TCTN3: variants seen among roughly 807,000 people sequenced by gnomAD.
The protein encoded by TCTN3 is tectonic family member 3, also known as tectonic-3.
In TCTN3, 57 loss-of-function variants were observed where a neutral mutation model predicts 71.3. The observed-to-expected ratio is 0.80, with a 90% CI of 0.65 to 1.00. TCTN3 has a LOEUF of 1.00. Among genes scored for constraint, TCTN3 ranks in the 50% least tolerant of loss-of-function variants. The pLI is 0.00. For missense variants in TCTN3, 696 were observed against 719.9 expected (o/e 0.97, Z 0.38); for synonymous variants, 258 against 267.8 (o/e 0.96, Z 0.36).
Position 95,685,557 on chromosome 10 carries a change from T to C in TCTN3, c.968A>G (p.Gln323Arg). 2.6e-6 allele frequency: 4 copies of C among 1,550,420 alleles called. No homozygotes were observed. The highest frequency in any genetic ancestry group is 3.5e-6 in the Non-Finnish European group (4 of 1,145,960). The change falls in exon 8 of 14, where the codon CAG becomes CGG. Residue 323 changes from glutamine (Q) to arginine (R), a missense_variant and splice_region_variant. Transcript: ENST00000371217. The part of the protein sequence containing the change: ...AGNTCQNVVS[Q>R]VTYEIETNGT... The stretch of plus-strand genomic sequence containing the variant: ...AGAATCTGAGGTCAGTATCCCTACC[T>C]GAGAAACTACATTCTGACAAGTGTT...
intron 3 of TCTN3, among the ~76,000 whole-genome samples, chr10:95,690,397 A>C (rs1371990071): frequency 2.0e-5 from 3 of 152,174 alleles, no homozygotes; most frequent in Non-Finnish European, 4.4e-5. Flanking sequence ...CAATATAATA[A>C]ATCCTATAGG....
intron 9 of TCTN3, among the ~76,000 whole-genome samples, chr10:95,684,167 A>G (rs1292587050): frequency 6.6e-6 from 1 of 152,216 alleles, no homozygotes; most frequent in African/African-American, 2.4e-5. Flanking sequence ...GACTGCCCAG[A>G]AATATGAGAA....
intron 3 of TCTN3, 65 bp from the exon 4 acceptor site, chr10:95,687,784 A>G: frequency 6.4e-7 from 1 of 1,555,652 alleles, no homozygotes; most frequent in Non-Finnish European, 8.7e-7. Context: ...AACTAATTTT[A>G]AAAAATATTT....
chr10:95,684,980 GAATT>G (rs1199666616), intron 8 of TCTN3, among the ~76,000 whole-genome samples: 3 of 152,174 alleles, frequency 2.0e-5, no homozygotes, highest in Non-Finnish European at 4.4e-5. Context: ...CAATGTTTGA[GAATT>G]AATAAAGATC....
intron 13 of TCTN3, among the ~76,000 whole-genome samples, chr10:95,679,319 T>G (rs1290702899): frequency 6.6e-6 from 1 of 152,166 alleles, no homozygotes; most frequent in Non-Finnish European, 1.5e-5. Flanking sequence ...AAAATATAAT[T>G]GAATGTTCTC....
rs955603906 is a variant in TCTN3 at position 95,693,857 on chromosome 10, C to A, written c.43G>T (p.Val15Leu). The A allele has an allele frequency of 5.2e-6, 8 of 1,551,546 alleles. No homozygotes were observed. The East Asian group carries it at 1.5e-4, about 28-fold the overall frequency. The change falls in exon 1 of 14, where the codon GTG becomes TTG. Residue 15 changes from valine to leucine, a missense_variant. Coordinates refer to ENST00000371217, the MANE Select transcript of TCTN3 (RefSeq NM_015631.6). ...TGAGGCCGGACGCCATCGGGGAACA[C>A]CAGAAAGAACACTTGCAGGAGCGCG... ...QLALLQVFFL[V>L]FPDGVRPQPS...
intron 3 of TCTN3, 93 bp downstream of exon 3, chr10:95,692,827 C>G (rs1284400006): frequency 1.1e-6 from 1 of 932,648 alleles, no homozygotes; most frequent in Non-Finnish European, 1.7e-6. Context: ...TACGTGTGGC[C>G]CAAGACAATT....
intron 13 of TCTN3, among the ~76,000 whole-genome samples, chr10:95,670,210 T>C (rs2097929623): frequency 6.6e-6 from 1 of 152,246 alleles, no homozygotes; most frequent in African/African-American, 2.4e-5. Context: ...ATGTTTATTC[T>C]GCATTTATTT....
At chr10:95,672,531 T>C (rs538889205) in intron 13 of TCTN3, among the ~76,000 whole-genome samples, 12 of 152,130 alleles carry the variant, frequency 7.9e-5, no homozygotes, top group Non-Finnish European at 1.6e-4. Context: ...TCTTGGAACA[T>C]GATTGTCAGT....
chr10:95,687,626 G>A lies in TCTN3; in HGVS notation c.593C>T (p.Thr198Ile). ...AGATGGTGGTGATTGAGTTTGGAAT[G>A]TTGAAGTGAATGATTCGCCTCCAAA... ...AEFGGESFTSTFQTQSPPSFY... is the reference protein window; with the variant it reads ...AEFGGESFTSIFQTQSPPSFY... Residue 198 changes from threonine (T) to isoleucine (I), a missense_variant, in exon 4 of 14, where the codon ACA becomes ATA. Coordinates refer to ENST00000371217, the MANE Select transcript of TCTN3 (RefSeq NM_015631.6). The A allele has an allele frequency of 6.2e-7, 1 of 1,614,194 alleles. No homozygotes were observed. Among genetic ancestry groups the A allele is most frequent in the Admixed American group, 1.7e-5 (1 of 60,016 alleles).
intron 8 of TCTN3, 124 bp downstream of exon 8, chr10:95,685,432 C>T: frequency 1.5e-6 from 1 of 668,464 alleles, no homozygotes; most frequent in Non-Finnish European, 2.4e-6. Context: ...TTTGCATTCC[C>T]AACATTGTTA....
intron 13 of TCTN3, among the ~76,000 whole-genome samples, chr10:95,674,108 T>C (rs907194956): frequency 2.0e-5 from 3 of 152,216 alleles, no homozygotes; most frequent in Non-Finnish European, 4.4e-5. Context: ...TCTACAAAAA[T>C]ACCTTCTAGG....
At position 95,669,985 on chromosome 10, in the gene TCTN3, C is replaced by A. The variant is rs895736651; in HGVS notation, c.1591-5685G>T. On this transcript the variant is annotated intron_variant, in intron 13 of 13. Transcript: ENST00000371217. ...GGCTGAGGCAGGAGAATGGCGTGAA[C>A]CCCAGGGGGCGGAGCCTGCAGTGAG... is the stretch of plus-strand genomic sequence containing the variant. Among the ~76,000 whole-genome samples the A allele has an allele frequency of 2.1e-5, 3 of 143,864 alleles. No homozygotes were observed. The Admixed American group carries it at 2.2e-4, about 10-fold the overall frequency. 94.4% of individuals were successfully genotyped at this position (143,864 alleles called of 152,430 possible).
At chr10:95,685,662 C>T (rs1428873418) in intron 7 of TCTN3, 26 bp from the exon 8 acceptor site, 1 of 1,525,090 alleles carries the variant, frequency 6.6e-7, no homozygotes, top group East Asian at 2.5e-5. Context: ...AGCAAATTAA[C>T]TAAAACTGAA....
At chr10:95,690,207 C>T (rs1198763785) in intron 3 of TCTN3, among the ~76,000 whole-genome samples, 1 of 152,062 alleles carries the variant, frequency 6.6e-6, no homozygotes, top group East Asian at 1.9e-4. Flanking sequence ...TGTTCTCGAA[C>T]TCCTGGGCTC....
rs775556315 is a variant in TCTN3, at chr10:95,682,757, G to A, written c.1346C>T (p.Thr449Ile). Residue 449 changes from threonine to isoleucine, a missense_variant, in exon 12 of 14, where the codon ACT becomes ATT. Thr to Ile is a moderately conservative substitution (Grantham distance 89). Transcript: ENST00000371217. ...CSHLQQEIYQ[T>I]LHGRPRPEYV... ...CTCTGGTCTGGGCCTTCCATGAAGA[G>A]TCTGATAAATCTCCTGCTGCAAGTG... 6.2e-7 allele frequency: 1 copy of A among 1,614,160 alleles called. No homozygotes were observed. The highest frequency in any genetic ancestry group is 8.5e-7 in the Non-Finnish European group (1 of 1,180,024).
intron 13 of TCTN3, among the ~76,000 whole-genome samples, chr10:95,673,538 T>TA (rs1036560115): frequency 2.7e-4 from 40 of 150,908 alleles, no homozygotes; most frequent in Admixed American, 7.9e-4. Flanking sequence ...CACCAATTGT[T>TA]AAAAAAAAAG....
intron 13 of TCTN3, among the ~76,000 whole-genome samples, chr10:95,667,510 G>A (rs969696731): frequency 6.6e-6 from 1 of 152,052 alleles, no homozygotes; most frequent in Non-Finnish European, 1.5e-5. Flanking sequence ...AGGGATGAGG[G>A]GCAGATGGAA....
At chr10:95,689,355 T>C (rs2097951600) in intron 3 of TCTN3, among the ~76,000 whole-genome samples, 1 of 152,208 alleles carries the variant, frequency 6.6e-6, no homozygotes, top group Admixed American at 6.5e-5. Context: ...ACAGGTGATG[T>C]TGATGCTGCT....
Sources: gnomAD v4.1 joint callset for allele counts (sites outside exome capture counted in the v4.1 genomes callset) on GRCh38, gnomAD v4.1.1 for gene constraint, MANE v1.5 for transcripts, NCBI Gene and HGNC (gene_info 2026-07-23, HGNC 2026-07-21) for gene names.